Variants in BLM observed in about 807,000 individuals in gnomAD.
The protein encoded by BLM is BLM RecQ like helicase, also known as recQ-like DNA helicase BLM.
Under a neutral mutation model 135.3 loss-of-function variants are expected in BLM, and 95 were observed. That is an observed-to-expected ratio of 0.70 (90% CI 0.59 to 0.83). The LOEUF (loss-of-function observed/expected upper bound fraction) is 0.83. Ranked by LOEUF, BLM falls within the 40% of genes least tolerant of loss-of-function variation. The pLI, the probability that BLM is intolerant of heterozygous loss-of-function variation, is 0.00. For missense variants in BLM, 1,518 were observed against 1,663.9 expected (o/e 0.91, Z 1.53); for synonymous variants, 520 against 589.2 (o/e 0.88, Z 1.70).
rs766861351 is a variant in BLM, at chr15:90,760,663, C to T, written c.1290C>T (p.Tyr430=). 4 of 1,613,838 alleles carry T rather than the reference C, an allele frequency of 2.5e-6. No homozygotes were observed. The highest frequency in any genetic ancestry group is 2.2e-5 in the East Asian group (1 of 44,886). ...GTCTTCTTGGCTCATTGTGGAGATA[C>T]AGGCCTGATTCACTTGATGGCCCTA... ...DASLLGSLWR[Y]RPDSLDGPME... is the part of the protein sequence containing the mutation. The change falls in exon 7 of 22, where the codon TAC becomes TAT. Residue 430 remains tyrosine, a synonymous_variant. Transcript: ENST00000355112.
intron 1 of BLM, among the ~76,000 whole-genome samples, chr15:90,724,561 C>A (rs781557216): frequency 9.9e-5 from 15 of 152,174 alleles, no homozygotes; most frequent in Non-Finnish European, 2.1e-4. Context: ...CCTGTCCACC[C>A]GCATTCCAGA....
rs534901522 is a variant in BLM at position 90,808,327 on chromosome 15, T to G, written c.3752-810T>G. Among the ~76,000 whole-genome samples the G allele has an allele frequency of 6.6e-5, 10 of 152,320 alleles. No individual in the cohort carries two copies. In the South Asian group the frequency reaches 2.1e-3, roughly 32 times the overall value. On this transcript the variant is annotated intron_variant, in intron 19 of 21. Coordinates refer to ENST00000355112, the MANE Select transcript of BLM (RefSeq NM_000057.4). The stretch of plus-strand genomic sequence containing the variant: ...AAAGGATTTGAAATCCACTCTTTGC[T>G]CAGCTCAAATACATAGGAATGGTTA...
intron 14 of BLM, among the ~76,000 whole-genome samples, chr15:90,789,987 G>GTTTTTTTTTTGTTTTTTTT (rs1896857678): frequency 8.7e-5 from 5 of 57,358 alleles, no homozygotes; most frequent in African/African-American, 2.6e-4. Flanking sequence ...AGTCCCTGGT[G>GTTTTTTTTTTGTTTTTTTT]TTTTTTTTTT....
chr15:90,815,202 A>G lies in BLM; in HGVS notation c.4177A>G (p.Asn1393Asp), dbSNP rs548600410. The G allele has an allele frequency of 2.0e-5, 33 of 1,614,124 alleles. No homozygotes were observed. The highest frequency in any genetic ancestry group is 2.5e-5 in the Non-Finnish European group (30 of 1,180,036). ...SHTSQATSGA[N>D]SKLGIMAPPK... is the part of the protein sequence containing the mutation. Reference sequence around the variant, plus strand: ...TACTTCTCAAGCGACATCAGGAGCCAATAGCAAATTGGGGATTATGGCTCC... The same window carrying G: ...TACTTCTCAAGCGACATCAGGAGCCGATAGCAAATTGGGGATTATGGCTCC... The change falls in exon 22 of 22, where the codon AAT becomes GAT. Residue 1393 changes from asparagine (N) to aspartate (D), a missense_variant. Around this residue, in one of 5 missense-constraint regions of BLM, gnomAD observed 153 missense variants for 173.4 expected, o/e 0.88. Coordinates refer to ENST00000355112, the MANE Select transcript of BLM (RefSeq NM_000057.4). The surrounding 1 kb of genome is among the most constrained non-coding windows in gnomAD (Gnocchi z 4.6).
intron 18 of BLM, 36 bp from the exon 19 acceptor site, chr15:90,804,131 A>G (rs374976910): frequency 1.1e-5 from 17 of 1,567,094 alleles, no homozygotes; most frequent in Non-Finnish European, 7.9e-6. Context: ...AAGTGCACAT[A>G]TACCCACTCC....
At chr15:90,768,819 G>A (rs1157007462) in intron 10 of BLM, among the ~76,000 whole-genome samples, 1 of 152,078 alleles carries the variant, frequency 6.6e-6, no homozygotes, top group African/African-American at 2.4e-5. Context: ...TCCACCTCCC[G>A]AGTTCAAGCG....
intron 17 of BLM, among the ~76,000 whole-genome samples, chr15:90,799,389 T>C (rs960313772): frequency 5.3e-5 from 8 of 151,252 alleles, no homozygotes; most frequent in African/African-American, 1.9e-4. Context: ...ACAAAGTAAA[T>C]TTAGTGGAGA....
chr15:90,748,421 T>C (rs1342849924), intron 2 of BLM, among the ~76,000 whole-genome samples: 1 of 152,150 alleles, frequency 6.6e-6, no homozygotes, highest in Non-Finnish European at 1.5e-5. Context: ...TATTTTAATA[T>C]AATTTTATAT....
At chr15:90,718,837 T>A (rs1342435891) in intron 1 of BLM, among the ~76,000 whole-genome samples, 1 of 152,024 alleles carries the variant, frequency 6.6e-6, no homozygotes, top group Non-Finnish European at 1.5e-5. Context: ...TGCTGGGAAG[T>A]TCTACACATC....
At chr15:90,797,414 CAAAAAAAAAAAAAAAAAAA>C (rs56369282) in intron 16 of BLM, among the ~76,000 whole-genome samples, 2 of 109,576 alleles carry the variant, frequency 1.8e-5, no homozygotes, top group African/African-American at 4.3e-5. Context: ...AACTCCATCT[CAAAAAAAAAAAAAAAAAAA>C]AAAAAAAAAA....
At chr15:90,777,454 C>T (rs765386303) in intron 12 of BLM, among the ~76,000 whole-genome samples, 20 of 152,150 alleles carry the variant, frequency 1.3e-4, no homozygotes, top group Non-Finnish European at 2.8e-4. Context: ...CACCTGGCCT[C>T]ATTTTTCAAT....
rs28745016 is a variant in BLM, at chr15:90,727,300, C to A, written c.-5+9860C>A. Among the ~76,000 whole-genome samples the A allele has an allele frequency of 2.9e-3, 438 of 152,292 alleles. 4 individuals are homozygous for A. The highest frequency in any genetic ancestry group is 4.5e-3 in the Non-Finnish European group (309 of 68,020). On this transcript the variant is annotated intron_variant, in intron 1 of 21. Transcript: ENST00000355112. Reference sequence around the variant, plus strand: ...AAGTGCTAGGATTCAAGGCATGAGCCACTGTGCCTGGCCCTAATTGTGGTT... The same window carrying A: ...AAGTGCTAGGATTCAAGGCATGAGCAACTGTGCCTGGCCCTAATTGTGGTT...
intron 20 of BLM, among the ~76,000 whole-genome samples, chr15:90,810,789 T>G (rs1159154191): frequency 6.6e-6 from 1 of 152,208 alleles, no homozygotes; most frequent in Non-Finnish European, 1.5e-5. Context: ...TTTGTTTCCC[T>G]TATATTGAGC....
chr15:90,805,319 T>C (rs1382421218), intron 19 of BLM, among the ~76,000 whole-genome samples: 1 of 152,028 alleles, frequency 6.6e-6, no homozygotes, highest in Non-Finnish European at 1.5e-5. Flanking sequence ...AAAATACATA[T>C]AATCAAAGTA....
At chr15:90,805,518 G>A (rs1265883280) in intron 19 of BLM, among the ~76,000 whole-genome samples, 1 of 151,778 alleles carries the variant, frequency 6.6e-6, no homozygotes, top group Non-Finnish European at 1.5e-5. Context: ...GGCCGGACAC[G>A]GTGGCTCACG....
rs779461745 is a variant in BLM at position 90,754,814 on chromosome 15, G to A, written c.963G>A (p.Thr321=). 11 of 1,613,524 alleles carry A rather than the reference G, an allele frequency of 6.8e-6. No homozygotes were observed. Among genetic ancestry groups the A allele is most frequent in the Admixed American group, 1.7e-5 (1 of 59,970 alleles). Residue 321 remains threonine (T), a synonymous_variant, in exon 5 of 22, where the codon ACG becomes ACA. Coordinates refer to ENST00000355112, the MANE Select transcript of BLM (RefSeq NM_000057.4). The part of the protein sequence containing the change: ...ASSSSSKCLS[T]LKDLDTSDRK... The stretch of plus-strand genomic sequence containing the variant: ...TTAACATTTTTTTTATTTGCAGTAC[G>A]TTAAAGGACCTTGACACCTCTGACA...
intron 2 of BLM, among the ~76,000 whole-genome samples, chr15:90,749,032 T>C (rs868749440): frequency 2.6e-5 from 4 of 152,170 alleles, no homozygotes; most frequent in Admixed American, 6.5e-5. Flanking sequence ...GTGCTGGGAT[T>C]ACAGGCATGA....
intron 17 of BLM, among the ~76,000 whole-genome samples, chr15:90,802,372 A>T (rs1443450347): frequency 1.3e-5 from 2 of 152,230 alleles, no homozygotes; most frequent in African/African-American, 2.4e-5. Context: ...TGTGTTTATA[A>T]TGAAGACATT....
Position 90,804,197 on chromosome 15 carries a change from A to G in BLM, c.3589A>G (p.Ser1197Gly). The G allele has an allele frequency of 3.1e-6, 5 of 1,614,146 alleles. No individual in the cohort carries two copies. The highest frequency in any genetic ancestry group is 4.2e-6 in the Non-Finnish European group (5 of 1,179,986). The change falls in exon 19 of 22, where the codon AGT becomes GGT. Residue 1197 changes from serine to glycine, a missense_variant. This residue lies in a region of BLM where 626 missense variants were observed against 681.1 expected (regional missense o/e 0.92). Transcript: ENST00000355112. ...CTTTATGGAAACAGAAAATTCCAGC[A>G]GTGTGAAAAAACAAAAAGCGTTAGT... ...VDFMETENSS[S>G]VKKQKALVAK...
Sources: gnomAD v4.1 joint callset for allele counts (sites outside exome capture counted in the v4.1 genomes callset) on GRCh38, gnomAD v4.1.1 for gene constraint, gnomAD v4.1.1 regional missense constraint, Gnocchi (gnomAD v3.1) non-coding constraint, MANE v1.5 for transcripts, NCBI Gene and HGNC (gene_info 2026-07-23, HGNC 2026-07-21) for gene names.